ZFHX4: variants seen among roughly 807,000 people sequenced by gnomAD.
ZFHX4 encodes the protein zinc finger homeobox 4.
A neutral mutation model predicts 267.6 loss-of-function variants in ZFHX4; 56 were observed. The observed-to-expected ratio is 0.21, with a 90% CI of 0.17 to 0.26. The LOEUF is 0.26. ZFHX4 is among the 10% of genes least tolerant of loss of function. The probability of loss-of-function intolerance (pLI) is 1.00; values close to 1 mark genes in which losing one functional copy is unlikely to be tolerated. For synonymous variants in ZFHX4, 1,778 were observed against 1,665.6 expected (o/e 1.07, Z -1.64); for missense variants, 4,332 against 4,420.0 (o/e 0.98, Z 0.56).
At chr8:76,741,916 C>A (rs184986169) in intron 3 of ZFHX4, among the ~76,000 whole-genome samples, 238 of 152,258 alleles carry the variant, frequency 1.6e-3, no homozygotes, top group African/African-American at 5.4e-3. Context: ...CTGAAGAATT[C>A]CAGCCAGCAT....
chr8:76,806,349 T>C (rs954646449), intron 4 of ZFHX4, among the ~76,000 whole-genome samples: 1 of 152,066 alleles, frequency 6.6e-6, no homozygotes, highest in Non-Finnish European at 1.5e-5. Context: ...GGACTATGGG[T>C]GTAGACTCAG....
intron 3 of ZFHX4, among the ~76,000 whole-genome samples, chr8:76,738,339 G>A (rs113458645): frequency 0.017 from 2,601 of 152,190 alleles, 84 homozygotes; most frequent in African/African-American, 0.058. Context: ...TCATTATTCA[G>A]TAAGTGTGAG....
intron 4 of ZFHX4, among the ~76,000 whole-genome samples, chr8:76,810,624 AC>A (rs1161020703): frequency 6.6e-6 from 1 of 152,022 alleles, no homozygotes; most frequent in Non-Finnish European, 1.5e-5. Context: ...TGACTTTTTT[AC>A]CCTTCGGCTT....
chr8:76,765,469 T>C (rs961769041), intron 3 of ZFHX4, among the ~76,000 whole-genome samples: 18 of 152,274 alleles, frequency 1.2e-4, no homozygotes, highest in African/African-American at 4.3e-4. Flanking sequence ...TTTACTCAAA[T>C]ATTAATGTTA....
At chr8:76,779,934 A>G (rs1563517926) in intron 4 of ZFHX4, among the ~76,000 whole-genome samples, 1 of 152,276 alleles carries the variant, frequency 6.6e-6, no homozygotes, top group South Asian at 2.1e-4. Flanking sequence ...GTAGCCTCCA[A>G]CTGTGCTTGG....
intron 4 of ZFHX4, among the ~76,000 whole-genome samples, chr8:76,801,336 C>A (rs1338526237): frequency 6.6e-6 from 1 of 152,122 alleles, no homozygotes; most frequent in Non-Finnish European, 1.5e-5. Flanking sequence ...ATGAGCAAAT[C>A]TCTGTAAGTT....
chr8:76,828,666 G>A (rs544759091), intron 4 of ZFHX4, among the ~76,000 whole-genome samples: 2 of 152,230 alleles, frequency 1.3e-5, no homozygotes, highest in African/African-American at 2.4e-5. Context: ...AGTGGGAGAA[G>A]CTTCAAAAGT....
intron 4 of ZFHX4, among the ~76,000 whole-genome samples, chr8:76,828,162 A>G (rs945386486): frequency 5.9e-5 from 9 of 152,238 alleles, no homozygotes; most frequent in African/African-American, 9.6e-5. Context: ...TTCAGAGGGC[A>G]TTGTTAAAAT....
chr8:76,723,556 C>CTT (rs150378157), intron 3 of ZFHX4, among the ~76,000 whole-genome samples: 13 of 142,892 alleles, frequency 9.1e-5, no homozygotes, highest in East Asian at 8.1e-4. Flanking sequence ...AATTCCCTTG[C>CTT]TTTTTTTTTT....
At position 76,856,040 on chromosome 8, in the gene ZFHX4, G is replaced by A; in HGVS notation, c.9119G>A (p.Gly3040Asp). 6.2e-7 allele frequency: 1 copy of A among 1,614,000 alleles called. No homozygotes were observed. The highest frequency in any genetic ancestry group is 8.5e-7 in the Non-Finnish European group (1 of 1,179,888). ...QHISKVRETV[G>D]SQLDREKDYL... ...ATTTCAAAAGTGAGGGAGACCGTTGGCAGTCAGCTCGATCGGGAGAAAGAT... is the reference window on the plus strand; with the variant it reads ...ATTTCAAAAGTGAGGGAGACCGTTGACAGTCAGCTCGATCGGGAGAAAGAT... Residue 3040 changes from glycine to aspartate, a missense_variant, in exon 10 of 11, where the codon GGC (glycine) becomes GAC (aspartate). Coordinates refer to ENST00000651372, the MANE Select transcript of ZFHX4 (RefSeq NM_024721.5).
chr8:76,766,464 T>C (rs1024412367), intron 3 of ZFHX4, among the ~76,000 whole-genome samples: 3 of 152,126 alleles, frequency 2.0e-5, no homozygotes, highest in African/African-American at 7.2e-5. Flanking sequence ...ACATGTAACT[T>C]AAATATATGA....
chr8:76,833,917 C>T (rs1812004340), intron 5 of ZFHX4, among the ~76,000 whole-genome samples: 1 of 152,082 alleles, frequency 6.6e-6, no homozygotes, highest in Non-Finnish European at 1.5e-5. Context: ...CCCTGTAAAC[C>T]AGTGATCCTT....
chr8:76,713,622 T>C (rs1453741037), intron 3 of ZFHX4, among the ~76,000 whole-genome samples: 1 of 152,182 alleles, frequency 6.6e-6, no homozygotes, highest in East Asian at 1.9e-4. Context: ...CATGGAAATA[T>C]CCCATGTTGC....
chr8:76,854,236 C>A lies in ZFHX4; in HGVS notation c.7315C>A (p.Pro2439Thr), dbSNP rs749729313. ...ATTAGCATCGACTTCCTCGGACCCA[C>A]CACAGGCATCCACAGCCCAGCCACA... ...LPLASTSSDP[P>T]QASTAQPQPQ... Residue 2439 changes from proline to threonine, a missense_variant, in exon 10 of 11, where the codon CCA becomes ACA. Physicochemically the swap from Pro to Thr is conservative, Grantham distance 38. Transcript: ENST00000651372. 10 of 1,567,900 alleles carry A rather than the reference C, an allele frequency of 6.4e-6. No homozygotes were observed. The highest frequency in any genetic ancestry group is 8.6e-6 in the Non-Finnish European group (10 of 1,156,536).
Position 76,704,864 on chromosome 8 carries a change from A to C in ZFHX4, c.776A>C (p.Asn259Thr). ...NSCVSKDVPN[N>T]VDLSKFDGCV... ...TGTGTGTCCAAAGATGTCCCTAACA[A>C]TGTGGACTTGTCCAAATTCGATGGT... The change falls in exon 2 of 11, where the codon AAT becomes ACT. Residue 259 changes from asparagine (N) to threonine (T), a missense_variant. Transcript: ENST00000651372. 6.2e-7 allele frequency: 1 copy of C among 1,614,214 alleles called. No homozygotes were observed.
chr8:76,814,543 A>T (rs1442855141), intron 4 of ZFHX4, among the ~76,000 whole-genome samples: 3 of 152,170 alleles, frequency 2.0e-5, no homozygotes, highest in Non-Finnish European at 2.9e-5. Flanking sequence ...CCACTAGATT[A>T]CTAATACTTT....
At chr8:76,850,033 G>C in intron 8 of ZFHX4, 1 of 576,962 alleles carries the variant, frequency 1.7e-6, no homozygotes, top group Non-Finnish European at 3.0e-6. Flanking sequence ...AAACCTACAG[G>C]AACCTTTAAG....
Position 76,715,845 on chromosome 8 carries a change from T to C in ZFHX4, c.3093+7797T>C, listed in dbSNP as rs145638014. Among the ~76,000 whole-genome samples the C allele has an allele frequency of 5.8e-4, 88 of 152,318 alleles. 1 individual carries two copies. In the East Asian group the frequency reaches 0.012, roughly 21 times the overall value. On this transcript the variant is annotated intron_variant, in intron 3 of 10. Transcript: ENST00000651372. ...GTATGGAGATCATATTCTTTTGATT[T>C]AGAATTTCCTATAGACTTTATTTCA...
chr8:76,736,638 G>T (rs945862157), intron 3 of ZFHX4, among the ~76,000 whole-genome samples: 20 of 152,186 alleles, frequency 1.3e-4, no homozygotes, highest in Non-Finnish European at 1.2e-4. Flanking sequence ...ATGTAGTTTG[G>T]CTCACTGACT....
Sources: gnomAD v4.1 joint callset for allele counts (sites outside exome capture counted in the v4.1 genomes callset) on GRCh38, gnomAD v4.1.1 for gene constraint, MANE v1.5 for transcripts, NCBI Gene and HGNC (gene_info 2026-07-23, HGNC 2026-07-21) for gene names.